Variants in FAM199X observed in about 807,000 individuals in gnomAD.
The protein encoded by FAM199X is protein FAM199X.
Under a neutral mutation model 22.9 loss-of-function variants are expected in FAM199X, and 4 were observed. That is an observed-to-expected ratio of 0.17 (90% CI 0.09 to 0.40). The LOEUF (loss-of-function observed/expected upper bound fraction) is 0.40, where lower values mean the gene tolerates loss of function less well. Ranked by LOEUF, FAM199X falls within the 10% of genes least tolerant of loss-of-function variation. The pLI, the probability that FAM199X is intolerant of heterozygous loss-of-function variation, is 1.00. For missense variants in FAM199X, 183 were observed against 306.8 expected (o/e 0.60, Z 3.01); for synonymous variants, 101 against 112.3 (o/e 0.90, Z 0.64).
intron 2 of FAM199X, among the ~76,000 whole-genome samples, chrX:104,178,907 A>G (rs1921566410): frequency 1.8e-5 from 2 of 111,655 alleles, no homozygotes; most frequent in South Asian, 7.5e-4. Context: ...GTGGGTAGAT[A>G]GCTTGAGCCC....
At chrX:104,161,130 A>G in the FAM199X span, among the ~76,000 whole-genome samples, 1 of 111,452 alleles carries the variant, frequency 9.0e-6, no homozygotes, top group African/African-American at 3.3e-5. Context: ...CTCTCCAAAA[A>G]AATCAGATTA....
chrX:104,160,138 C>T, the FAM199X span, among the ~76,000 whole-genome samples: 1 of 112,020 alleles, frequency 8.9e-6, no homozygotes, highest in African/African-American at 3.2e-5. Flanking sequence ...TAAAGAAGTC[C>T]CTCTGTAGGC....
chrX:104,168,172 A>C (rs1191630945), intron 1 of FAM199X, among the ~76,000 whole-genome samples: 5 of 112,678 alleles, frequency 4.4e-5, no homozygotes, highest in African/African-American at 1.6e-4. Flanking sequence ...TTATAGTTAA[A>C]TAATCAGAAT....
At chrX:104,185,735 C>G (rs1048179711) in intron 2 of FAM199X, among the ~76,000 whole-genome samples, 5 of 110,736 alleles carry the variant, frequency 4.5e-5, no homozygotes, top group Admixed American at 9.6e-5. Context: ...CTCAGTGTCC[C>G]GAGTAACTAC....
chrX:104,163,128 ACACACACAC>A (rs1556372981), upstream of FAM199X, among the ~76,000 whole-genome samples: 1 of 82,997 alleles, frequency 1.2e-5, no homozygotes, highest in African/African-American at 3.9e-5. Flanking sequence ...ACACACACAC[ACACACACAC>A]ACTTCGAGCT....
chrX:104,179,583 C>A (rs782365754), intron 2 of FAM199X, among the ~76,000 whole-genome samples: 14 of 111,645 alleles, frequency 1.3e-4, no homozygotes, highest in African/African-American at 4.5e-4. Flanking sequence ...AAGATCATGT[C>A]ATCTGTGACT....
At chrX:104,157,085 CG>C in the FAM199X span, 1 of 109,498 alleles carries the variant, frequency 9.1e-6, no homozygotes, top group Non-Finnish European at 1.9e-5. Flanking sequence ...TTCGCGACTA[CG>C]TCAGTTGGCC....
chrX:104,189,186 T>C (rs1197203594), intron 5 of FAM199X, among the ~76,000 whole-genome samples: 2 of 111,529 alleles, frequency 1.8e-5, no homozygotes, highest in Non-Finnish European at 3.8e-5. Context: ...GTAAGATTGC[T>C]AGTGTTTTTG....
At chrX:104,171,135 T>C (rs1226950815) in intron 1 of FAM199X, among the ~76,000 whole-genome samples, 3 of 111,949 alleles carry the variant, frequency 2.7e-5, no homozygotes, top group South Asian at 3.7e-4. Flanking sequence ...TGCAGAGGAA[T>C]GTGTACATGG....
intron 2 of FAM199X, among the ~76,000 whole-genome samples, chrX:104,180,822 A>G (rs1921633844): frequency 8.9e-6 from 1 of 112,410 alleles, no homozygotes; most frequent in African/African-American, 3.2e-5. Context: ...ATGATTAAAA[A>G]CTACATCTGT....
intron 3 of FAM199X, 87 bp from the exon 4 acceptor site, chrX:104,186,373 C>T: frequency 9.2e-7 from 1 of 1,092,281 alleles, no homozygotes. Flanking sequence ...ACCTTAAGTG[C>T]TTCTGCTATG....
At chrX:104,165,277 C>T (rs1921136373), upstream of FAM199X, among the ~76,000 whole-genome samples, 1 of 112,500 alleles carries the variant, frequency 8.9e-6, no homozygotes, top group African/African-American at 3.2e-5. Context: ...ATAATGTATA[C>T]ATTTTAAAGG....
rs1921854081 is a variant in FAM199X, at chrX:104,188,326, C to T, written c.996+20C>T. 1.7e-6 allele frequency: 2 copies of T among 1,203,889 alleles called. No individual in the cohort carries two copies. Among genetic ancestry groups the T allele is most frequent in the Non-Finnish European group, 2.2e-6 (2 of 888,902 alleles). On this transcript the variant is annotated intron_variant, in intron 5 of 5. Coordinates refer to ENST00000493442, the MANE Select transcript of FAM199X (RefSeq NM_207318.4). Reference sequence around the variant, plus strand: ...TCAAAAGTAAAACGTCTAATCAATACAAAACTTTACCTTTCAATATTAACA... The same window carrying T: ...TCAAAAGTAAAACGTCTAATCAATATAAAACTTTACCTTTCAATATTAACA...
intron 2 of FAM199X, among the ~76,000 whole-genome samples, chrX:104,176,295 T>C (rs1556376439): frequency 2.7e-5 from 3 of 112,092 alleles, no homozygotes; most frequent in African/African-American, 9.7e-5. Context: ...TCTGTTTGTA[T>C]GTAGACATGT....
chrX:104,167,625 T>TAAA (rs1317891681), intron 1 of FAM199X, among the ~76,000 whole-genome samples: 2 of 110,879 alleles, frequency 1.8e-5, no homozygotes, highest in Admixed American at 9.7e-5. Context: ...TTGGTAAGCT[T>TAAA]AAATCTGGAG....
At chrX:104,175,493 AG>A (rs1395663516) in intron 1 of FAM199X, 129 bp from the exon 2 acceptor site, 8 of 500,569 alleles carry the variant, frequency 1.6e-5, no homozygotes, top group African/African-American at 4.8e-5. Flanking sequence ...CTTAAAAGGT[AG>A]GGGCTCTTTT....
chrX:104,166,341 G>T (rs1464621503), upstream of FAM199X, among the ~76,000 whole-genome samples: 1 of 111,187 alleles, frequency 9.0e-6, no homozygotes, highest in East Asian at 2.9e-4. Flanking sequence ...GGGGCGGGCC[G>T]CTTGGGGCCG....
At chrX:104,188,816 T>A (rs868953700) in intron 5 of FAM199X, among the ~76,000 whole-genome samples, 1 of 103,063 alleles carries the variant, frequency 9.7e-6, no homozygotes, top group African/African-American at 3.5e-5. Context: ...GTCGGGCACT[T>A]AAAAAAAAAA....
intron 1 of FAM199X, among the ~76,000 whole-genome samples, chrX:104,169,633 T>C (rs1373099250): frequency 2.7e-5 from 3 of 111,762 alleles, no homozygotes; most frequent in African/African-American, 9.8e-5. Context: ...AGTTGCACAA[T>C]CTTGGCTTAG....
Sources: gnomAD v4.1 joint callset for allele counts (sites outside exome capture counted in the v4.1 genomes callset) on GRCh38, gnomAD v4.1.1 for gene constraint, MANE v1.5 for transcripts, NCBI Gene and HGNC (gene_info 2026-07-23, HGNC 2026-07-21) for gene names.